ZFYVE28: variants seen among roughly 807,000 people sequenced by gnomAD.
ZFYVE28 encodes zinc finger FYVE-type containing 28, also known as lateral signaling target protein 2 homolog.
In ZFYVE28, 40 loss-of-function variants were observed where a neutral mutation model predicts 82.1. That is an observed-to-expected ratio of 0.49 (90% CI 0.38 to 0.63). The LOEUF is 0.63. ZFYVE28 is among the 30% of genes least tolerant of loss of function. ZFYVE28 has a pLI of 0.00. For synonymous variants in ZFYVE28, 612 were observed against 546.1 expected (o/e 1.12, Z -1.68); for missense variants, 1,321 against 1,242.1 (o/e 1.06, Z -0.96).
At position 2,305,270 on chromosome 4, in the gene ZFYVE28, G is replaced by A; in HGVS notation, c.1070C>T (p.Ser357Phe). 2 of 1,613,032 alleles carry A rather than the reference G, an allele frequency of 1.2e-6. No homozygotes were observed. Residue 357 changes from serine (S) to phenylalanine (F), a missense_variant, in exon 8 of 13, where the codon TCC becomes TTC. Coordinates refer to ENST00000290974, the MANE Select transcript of ZFYVE28 (RefSeq NM_020972.3). ...GGCAATGGGCGGTGAAAGCAAAGAG[G>A]ACATCTCGTCCCCCGCCCTGTGGAC... ...RMVHRAGDEM[S>F]SLLSPPIACQ...
At chr4:2,359,271 G>A (rs528704118) in intron 1 of ZFYVE28, among the ~76,000 whole-genome samples, 4 of 151,932 alleles carry the variant, frequency 2.6e-5, no homozygotes, top group East Asian at 1.9e-4. Context: ...GTGAGCCACC[G>A]TGCCCAGCCA....
intron 6 of ZFYVE28, among the ~76,000 whole-genome samples, chr4:2,327,494 T>C (rs1199213781): frequency 6.6e-6 from 1 of 151,738 alleles, no homozygotes; most frequent in Non-Finnish European, 1.5e-5. Context: ...TTTTTACCAT[T>C]GAGTATAACG....
At chr4:2,329,501 G>C (rs944825411) in intron 6 of ZFYVE28, among the ~76,000 whole-genome samples, 5 of 152,176 alleles carry the variant, frequency 3.3e-5, no homozygotes, top group African/African-American at 1.2e-4. Flanking sequence ...TATGTGAAGT[G>C]AAATAAGACA....
chr4:2,327,727 G>A (rs1030928688), intron 6 of ZFYVE28, among the ~76,000 whole-genome samples: 1 of 151,992 alleles, frequency 6.6e-6, no homozygotes, highest in Non-Finnish European at 1.5e-5. Flanking sequence ...TTAATGTGAT[G>A]TATCACAATT....
Position 2,307,789 on chromosome 4 carries a change from G to C in ZFYVE28, c.804-2253C>G, listed in dbSNP as rs2108826540. On this transcript the variant is annotated intron_variant, in intron 7 of 12. Coordinates refer to ENST00000290974, the MANE Select transcript of ZFYVE28 (RefSeq NM_020972.3). ...GATTACGGCATGAGCCACCATGCCT[G>C]GATTTTATTGTTTTACTTTTTATAT... 2.0e-5 allele frequency among the ~76,000 whole-genome samples: 3 copies of C among 152,134 alleles called. No individual in the cohort carries two copies. In the South Asian group the frequency reaches 6.2e-4, roughly 32 times the overall value.
Position 2,300,804 on chromosome 4 carries a change from T to A in ZFYVE28, c.2051+3485A>T, listed in dbSNP as rs1221911417. On this transcript the variant is annotated intron_variant, in intron 8 of 12. Coordinates refer to ENST00000290974, the MANE Select transcript of ZFYVE28 (RefSeq NM_020972.3). The surrounding 1 kb of genome is among the most constrained non-coding windows in gnomAD (Gnocchi z 4.6). ...GACTGGAAGCCGTGAATCAAGGCCGTGCCCACTGTTCCCTCTGAACCGTCC... is the reference window on the plus strand; with the variant it reads ...GACTGGAAGCCGTGAATCAAGGCCGAGCCCACTGTTCCCTCTGAACCGTCC... Among the ~76,000 whole-genome samples the A allele has an allele frequency of 6.6e-6, 1 of 152,140 alleles. No homozygotes were observed. Among genetic ancestry groups the A allele is most frequent in the African/African-American group, 2.4e-5 (1 of 41,436 alleles).
rs1207189399 is a variant in ZFYVE28, at chr4:2,304,841, GTC to G, written c.1497_1498del (p.Glu499AspfsTer3). 45 of 1,612,472 alleles carry G rather than the reference GTC, an allele frequency of 2.8e-5. No homozygotes were observed. Among genetic ancestry groups the G allele is most frequent in the Non-Finnish European group, 3.2e-5 (38 of 1,179,906 alleles). ...TGTCCGGTGGGCGATCATCTCAGCC[GTC>G]TCTGCGTCATCCGCACCCACCTCCC... On this transcript the variant is annotated frameshift_variant, in exon 8 of 13. Transcript: ENST00000290974. LOFTEE classifies it high-confidence loss of function.
intron 8 of ZFYVE28, among the ~76,000 whole-genome samples, chr4:2,298,137 TGGGA>T (rs1339893009): frequency 3.5e-5 from 5 of 141,216 alleles, no homozygotes; most frequent in African/African-American, 1.4e-4. Context: ...CGGGCTGTGC[TGGGA>T]GGAATGGCAG....
intron 10 of ZFYVE28, 64 bp downstream of exon 10, chr4:2,273,109 T>TC: frequency 1.5e-6 from 2 of 1,368,620 alleles, no homozygotes; most frequent in East Asian, 4.6e-5. Flanking sequence ...TGAGCACCCC[T>TC]CCCTGTGGGC....
intron 2 of ZFYVE28, 79 bp downstream of exon 2, chr4:2,353,854 A>C: frequency 1.5e-6 from 2 of 1,307,386 alleles, no homozygotes; most frequent in Non-Finnish European, 2.0e-6. Flanking sequence ...GCAGGTGACA[A>C]AGCCTTGGTC....
chr4:2,364,745 C>T, intron 1 of ZFYVE28: 2 of 985,532 alleles, frequency 2.0e-6, no homozygotes, highest in Non-Finnish European at 2.4e-6. Context: ...ATGAGCATAA[C>T]GTTGTGCATT....
At chr4:2,360,970 C>T (rs1726071168) in intron 1 of ZFYVE28, among the ~76,000 whole-genome samples, 1 of 152,058 alleles carries the variant, frequency 6.6e-6, no homozygotes, top group Admixed American at 6.6e-5. Flanking sequence ...TTTTAAATGT[C>T]CTTAAATACA....
rs1179731510 is a variant in ZFYVE28, at chr4:2,339,423, GCCAGGGCTGTGGA to G, written c.521+17_521+29del. 2 of 1,607,972 alleles carry G rather than the reference GCCAGGGCTGTGGA, an allele frequency of 1.2e-6. No individual in the cohort carries two copies. Among genetic ancestry groups the G allele is most frequent in the South Asian group, 2.2e-5 (2 of 89,872 alleles). On this transcript the variant is annotated intron_variant, in intron 4 of 12. Transcript: ENST00000290974. This position sits in a 1 kb window ranked among gnomAD's most constrained non-coding sequence, Gnocchi z 5.0. ...GCACAACCGTCCCCCAGCTCATACA[GCCAGGGCTGTGGA>G]CCCACAGCTGCAGTACCTGAGCTCA...
At chr4:2,366,104 CAGG>C (rs1405152176) in intron 1 of ZFYVE28, among the ~76,000 whole-genome samples, 1 of 152,198 alleles carries the variant, frequency 6.6e-6, no homozygotes, top group African/African-American at 2.4e-5. Flanking sequence ...TGGATGTCCC[CAGG>C]AGGCCACCTC....
intron 8 of ZFYVE28, among the ~76,000 whole-genome samples, chr4:2,293,650 G>A (rs1714085257): frequency 6.6e-6 from 1 of 151,564 alleles, no homozygotes; most frequent in African/African-American, 2.4e-5. Flanking sequence ...CTACTCGGGA[G>A]GCTGAGGCAG....
At chr4:2,377,777 G>T (rs947879497) in intron 1 of ZFYVE28, among the ~76,000 whole-genome samples, 1 of 152,184 alleles carries the variant, frequency 6.6e-6, no homozygotes, top group African/African-American at 2.4e-5. Context: ...TCTCAGTGTG[G>T]ATTTACTCCC....
chr4:2,365,930 T>C (rs1578267845), intron 1 of ZFYVE28, among the ~76,000 whole-genome samples: 1 of 151,942 alleles, frequency 6.6e-6, no homozygotes, highest in Non-Finnish European at 1.5e-5. Flanking sequence ...GGGGTGGAGG[T>C]GGCAGAGCAC....
In ZFYVE28 at chr4:2,341,682, G is replaced by A. The variant is rs2108865013; in HGVS notation, c.181-67C>T. The A allele has an allele frequency of 3.8e-6, 6 of 1,571,474 alleles. No homozygotes were observed. The highest frequency in any genetic ancestry group is 4.5e-5 in the East Asian group (2 of 44,128). The stretch of plus-strand genomic sequence containing the variant: ...CAGCTGGCGGCCGCCATGTACTGCT[G>A]GAAAACACGCACGGTGCATGTGACT... On this transcript the variant is annotated intron_variant, in intron 2 of 12. Transcript: ENST00000290974. The surrounding 1 kb of genome is among the most constrained non-coding windows in gnomAD (Gnocchi z 4.5).
At chr4:2,382,836 C>T (rs898821487) in intron 1 of ZFYVE28, among the ~76,000 whole-genome samples, 7 of 152,214 alleles carry the variant, frequency 4.6e-5, no homozygotes, top group Non-Finnish European at 7.3e-5. Context: ...TTCCATATGG[C>T]TGGGGAGGCC....
Sources: gnomAD v4.1 joint callset for allele counts (sites outside exome capture counted in the v4.1 genomes callset) on GRCh38, gnomAD v4.1.1 for gene constraint, Gnocchi (gnomAD v3.1) non-coding constraint, MANE v1.5 for transcripts, NCBI Gene and HGNC (gene_info 2026-07-23, HGNC 2026-07-21) for gene names.